GNB1: variants seen among roughly 807,000 people sequenced by gnomAD.
The protein encoded by GNB1 is guanine nucleotide-binding protein G(I)/G(S)/G(T) subunit beta-1.
In GNB1, 2 loss-of-function variants were observed where a neutral mutation model predicts 42.9. The observed-to-expected ratio is 0.05, with a 90% CI of 0.02 to 0.15. The LOEUF (loss-of-function observed/expected upper bound fraction) is 0.15, where lower values mean the gene tolerates loss of function less well. Ranked by LOEUF, GNB1 falls within the 10% of genes least tolerant of loss-of-function variation. The probability of loss-of-function intolerance (pLI) is 1.00; values close to 1 mark genes in which losing one functional copy is unlikely to be tolerated. For missense variants in GNB1, 193 were observed against 462.2 expected, an observed-to-expected ratio of 0.42 and a Z score of 5.34; for synonymous variants, 183 against 174.7, an observed-to-expected ratio of 1.05 and a Z score of -0.38.
At chr1:1,801,721 G>T (rs138386398) in intron 7 of GNB1, among the ~76,000 whole-genome samples, 1 of 152,230 alleles carries the variant, frequency 6.6e-6, no homozygotes, top group East Asian at 1.9e-4. Context: ...AAGGTAGGAA[G>T]GGAACAACCA....
At chr1:1,805,368 GGA>G (rs1266532956) in intron 6 of GNB1, among the ~76,000 whole-genome samples, 1 of 151,292 alleles carries the variant, frequency 6.6e-6, no homozygotes, top group Non-Finnish European at 1.5e-5. Flanking sequence ...GGCTGAAGCA[GGA>G]GAGTCGCTTG....
intron 1 of GNB1, chr1:1,839,816 T>C (rs996880604): frequency 3.3e-5 from 5 of 152,066 alleles, no homozygotes; most frequent in African/African-American, 4.8e-5. Context: ...ATCATTCCAC[T>C]GCATTCCAGC....
At chr1:1,803,443 G>A (rs1015405444) in intron 7 of GNB1, among the ~76,000 whole-genome samples, 1 of 152,130 alleles carries the variant, frequency 6.6e-6, no homozygotes, top group African/African-American at 2.4e-5. Context: ...GCCACTGTGC[G>A]TGGCTGTTTT....
At chr1:1,808,747 G>C (rs1303470727) in intron 5 of GNB1, among the ~76,000 whole-genome samples, 1 of 152,038 alleles carries the variant, frequency 6.6e-6, no homozygotes, top group Non-Finnish European at 1.5e-5. Context: ...GGGTTCAAGT[G>C]ATTCTCATGC....
At chr1:1,850,761 CTT>C (rs910545833) in intron 1 of GNB1, among the ~76,000 whole-genome samples, 4 of 152,080 alleles carry the variant, frequency 2.6e-5, no homozygotes, top group African/African-American at 9.7e-5. Context: ...TTATTTCTCT[CTT>C]AACAAGAAAT....
At chr1:1,835,692 T>C (rs1647137011) in intron 2 of GNB1, among the ~76,000 whole-genome samples, 1 of 152,070 alleles carries the variant, frequency 6.6e-6, no homozygotes, top group Non-Finnish European at 1.5e-5. Context: ...TACAAGTCTT[T>C]ATGAGAACAT....
Position 1,787,195 on chromosome 1 carries a change from CCACAA to C in GNB1, c.*9+122_*9+126del, listed in dbSNP as rs561149050. ...GACTTCAGCTTTCTGTAAACGTTTC[CCACAA>C]CACAATTCCAAATCAATGCTACATC... On this transcript the variant is annotated intron_variant, in intron 11 of 11. Coordinates refer to ENST00000378609, the MANE Select transcript of GNB1 (RefSeq NM_002074.5). The surrounding 1 kb of genome is among the most constrained non-coding windows in gnomAD (Gnocchi z 4.4). The C allele has an allele frequency of 1.6e-3, 1,027 of 649,258 alleles. No homozygotes were observed. The highest frequency in any genetic ancestry group is 2.4e-3 in the Non-Finnish European group (879 of 364,790). The allele number at this position is 649,258 out of a possible 1,614,324, so 40.2% of individuals were successfully genotyped here.
At chr1:1,867,957 A>C (rs1315478123) in intron 1 of GNB1, among the ~76,000 whole-genome samples, 1 of 152,092 alleles carries the variant, frequency 6.6e-6, no homozygotes, top group African/African-American at 2.4e-5. Flanking sequence ...CTTACCTATA[A>C]TACTTATAAA....
chr1:1,876,571 A>C (rs986018319), intron 1 of GNB1, among the ~76,000 whole-genome samples: 1 of 152,102 alleles, frequency 6.6e-6, no homozygotes, highest in African/African-American at 2.4e-5. Context: ...ACATGCAAAA[A>C]TGGGGTCTCA....
chr1:1,810,677 T>C (rs965566728), intron 5 of GNB1, among the ~76,000 whole-genome samples: 1 of 152,116 alleles, frequency 6.6e-6, no homozygotes, highest in Non-Finnish European at 1.5e-5. Context: ...CTTTTTTGTT[T>C]GTTTTTTTGA....
intron 1 of GNB1, among the ~76,000 whole-genome samples, chr1:1,843,574 A>G (rs1301574242): frequency 6.6e-6 from 1 of 152,146 alleles, no homozygotes. Context: ...TCATGACTCA[A>G]GATTGGAGTA....
Position 1,787,388 on chromosome 1 carries a change from G to A in GNB1, c.966C>T (p.Asp322=), listed in dbSNP as rs766891832. 6.2e-6 allele frequency: 10 copies of A among 1,613,648 alleles called. No homozygotes were observed. Among genetic ancestry groups the A allele is most frequent in the East Asian group, 2.2e-5 (1 of 44,886 alleles). ...DNRVSCLGVT[D]DGMAVATGSW... ...ACCCTGTCGCCACAGCCATGCCATC[G>A]TCAGTCACGCCCAGGCAGCTGACGC... Residue 322 remains aspartate (D), a synonymous_variant, in exon 11 of 12, where the codon GAC becomes GAT. Transcript: ENST00000378609. The surrounding 1 kb of genome is among the most constrained non-coding windows in gnomAD (Gnocchi z 4.4).
intron 7 of GNB1, 29 bp from the exon 8 acceptor site, chr1:1,793,340 C>G (rs1290066887): frequency 2.6e-6 from 4 of 1,542,648 alleles, no homozygotes; most frequent in Non-Finnish European, 2.7e-6. Context: ...AAGTGATGAG[C>G]TGAATCCAGC....
At chr1:1,849,557 C>T (rs1647868231) in intron 1 of GNB1, among the ~76,000 whole-genome samples, 1 of 152,110 alleles carries the variant, frequency 6.6e-6, no homozygotes, top group South Asian at 2.1e-4. Context: ...CAGGCACCGC[C>T]AGAGCACCTG....
intron 7 of GNB1, among the ~76,000 whole-genome samples, chr1:1,803,213 T>A (rs940523187): frequency 6.6e-6 from 1 of 152,260 alleles, no homozygotes; most frequent in Non-Finnish European, 1.5e-5. Flanking sequence ...TCAGCAAATG[T>A]ATGCCTTTCA....
At chr1:1,848,824 C>G (rs1031363217) in intron 1 of GNB1, among the ~76,000 whole-genome samples, 3 of 152,188 alleles carry the variant, frequency 2.0e-5, no homozygotes, top group African/African-American at 7.2e-5. Flanking sequence ...CCCTTTCACT[C>G]TTTGTAACAC....
In GNB1 at chr1:1,817,838, TGA is replaced by T; in HGVS notation, c.93_94del (p.Gln32AspfsTer46). On this transcript the variant is annotated frameshift_variant and splice_region_variant, in exon 4 of 12. Coordinates refer to ENST00000378609, the MANE Select transcript of GNB1 (RefSeq NM_002074.5). LOFTEE classifies it high-confidence loss of function. The stretch of plus-strand genomic sequence containing the variant: ...CTGCGTGACTCAGTGGGCTCTTACC[TGA>T]GAGAGAGTTGCATCTGCACATGCTT... 1 of 1,610,272 alleles carries T rather than the reference TGA, an allele frequency of 6.2e-7. No individual in the cohort carries two copies.
At chr1:1,867,877 G>C (rs1025535548) in intron 1 of GNB1, among the ~76,000 whole-genome samples, 1 of 152,108 alleles carries the variant, frequency 6.6e-6, no homozygotes, top group Non-Finnish European at 1.5e-5. Context: ...ATTCCCAACT[G>C]ATTGTAAATG....
At chr1:1,827,630 C>T (rs760091976) in intron 2 of GNB1, among the ~76,000 whole-genome samples, 4 of 152,150 alleles carry the variant, frequency 2.6e-5, no homozygotes, top group African/African-American at 7.2e-5. Flanking sequence ...AGTGCCAGGA[C>T]AAGATGAGCA....
Sources: gnomAD v4.1 joint callset for allele counts (sites outside exome capture counted in the v4.1 genomes callset) on GRCh38, gnomAD v4.1.1 for gene constraint, Gnocchi (gnomAD v3.1) non-coding constraint, MANE v1.5 for transcripts, NCBI Gene and HGNC (gene_info 2026-07-23, HGNC 2026-07-21) for gene names.